Variants in MUC5AC observed in about 807,000 individuals in gnomAD.
MUC5AC encodes mucin-5AC.
Under a neutral mutation model 169.7 loss-of-function variants are expected in MUC5AC, and 158 were observed. The ratio of observed to expected loss-of-function variants is 0.93; its 90% CI spans 0.82 to 1.06. MUC5AC has a LOEUF of 1.06. Among genes scored for constraint, MUC5AC ranks in the 50% least tolerant of loss-of-function variants. The pLI, the probability that MUC5AC is intolerant of heterozygous loss-of-function variation, is 0.00. For missense variants in MUC5AC, 4,359 were observed against 3,089.9 expected, an observed-to-expected ratio of 1.41 and a Z score of -9.74; for synonymous variants, 1,975 against 1,237.0, an observed-to-expected ratio of 1.60 and a Z score of -12.52.
In MUC5AC at chr11:1,173,621, TACTCATCCACTC is replaced by T. The variant is rs1339019111; in HGVS notation, c.1966-859_1966-848del. On this transcript the variant is annotated intron_variant, in intron 16 of 48. Coordinates refer to ENST00000621226, the MANE Select transcript of MUC5AC (RefSeq NM_001304359.2). ...TCCACTCACTCACTCATCCACTCAT[TACTCATCCACTC>T]ACTCATCCACTCACTGATTCCCTCA... Among the ~76,000 whole-genome samples the T allele has an allele frequency of 1.2e-4, 18 of 144,484 alleles. No homozygotes were observed. In the South Asian group the frequency reaches 1.4e-3, roughly 11 times the overall value. 94.8% of individuals were successfully genotyped at this position (144,484 alleles called of 152,430 possible).
intron 47 of MUC5AC, 44 bp from the exon 48 acceptor site, chr11:1,199,811 C>G (rs1458250264): frequency 1.4e-6 from 1 of 735,894 alleles, no homozygotes; most frequent in East Asian, 2.5e-5. Context: ...CCTCAGAGGT[C>G]TAGGAGCAGC....
rs1554928357 is a variant in MUC5AC, at chr11:1,187,819, G to A, written c.9674G>A (p.Arg3225Gln). The change falls in exon 31 of 49, where the codon CGG becomes CAG. Residue 3225 changes from arginine to glutamine, a missense_variant. Transcript: ENST00000621226. ...SQPVTRDCHL[R>Q]CTWTKWFDID... ...CCAGTCACCAGAGACTGTCATCTCC[G>A]GTGCACCTGGACCAAGTGGTTTGAC... is the stretch of plus-strand genomic sequence containing the variant. 6.5e-5 allele frequency: 50 copies of A among 764,922 alleles called. No homozygotes were observed. The highest frequency in any genetic ancestry group is 6.4e-4 in the African/African-American group (38 of 59,248). 47.4% of individuals were successfully genotyped at this position (764,922 alleles called of 1,614,324 possible). A position where few individuals can be genotyped will look rare whatever the true frequency, so the allele number is the denominator to read the frequency against.
rs373077819 is a variant in MUC5AC, at chr11:1,192,796, C to A, written c.14394C>A (p.Tyr4798Ter). ...DRLYPAGSTI[Y>*]RHRDLAGHCY... ...TTCCTCTTACAGGATCCACCATATA[C>A]CGCCACAGAGACCTCGCTGGCCATT... Residue 4798 changes from tyrosine to a stop codon, truncating the protein, a stop_gained, in exon 32 of 49, where the codon TAC (tyrosine) becomes TAA (stop). Coordinates refer to ENST00000621226, the MANE Select transcript of MUC5AC (RefSeq NM_001304359.2). LOFTEE classifies it high-confidence loss of function. The A allele has an allele frequency of 2.6e-6, 2 of 760,924 alleles. No individual in the cohort carries two copies. The highest frequency in any genetic ancestry group is 4.8e-6 in the Non-Finnish European group (2 of 414,536). 47.1% of individuals were successfully genotyped at this position (760,924 alleles called of 1,614,324 possible).
chr11:1,174,069 C>A (rs967937785), intron 16 of MUC5AC, among the ~76,000 whole-genome samples: 1 of 152,238 alleles, frequency 6.6e-6, no homozygotes, highest in Non-Finnish European at 1.5e-5. Flanking sequence ...TCATTCGTTC[C>A]TTCACTCATT....
intron 31 of MUC5AC, 77 bp downstream of exon 31, chr11:1,192,602 T>G: frequency 1.4e-6 from 1 of 730,226 alleles, no homozygotes; most frequent in South Asian, 1.5e-5. Context: ...CAAGCTGTGA[T>G]GATGATAGGA....
chr11:1,194,745 C>A (rs554552383), intron 35 of MUC5AC, 75 bp downstream of exon 35: 5 of 669,780 alleles, frequency 7.5e-6, no homozygotes, highest in Non-Finnish European at 1.1e-5. Flanking sequence ...GAGGCCACCA[C>A]GTGCCGCGTG....
rs1554928338 is a variant in MUC5AC, at chr11:1,187,715, C to T, written c.9570C>T (p.Pro3190=). Residue 3190 remains proline (P), a synonymous_variant, in exon 31 of 49, where the codon CCC becomes CCT. Coordinates refer to ENST00000621226, the MANE Select transcript of MUC5AC (RefSeq NM_001304359.2). ...TTPGPGTTPS[P]VPTTSTASVS... is the part of the protein sequence containing the mutation. Reference sequence around the variant, plus strand: ...CTGGTCCTGGAACCACTCCCAGCCCCGTTCCCACCACCAGCACAGCCTCTG... The same window carrying T: ...CTGGTCCTGGAACCACTCCCAGCCCTGTTCCCACCACCAGCACAGCCTCTG... The T allele has an allele frequency of 8.0e-5, 61 of 763,448 alleles. No homozygotes were observed. The highest frequency in any genetic ancestry group is 2.2e-4 in the Middle Eastern group (1 of 4,450). The allele number at this position is 763,448 out of a possible 1,614,324, so 47.3% of individuals were successfully genotyped here.
chr11:1,166,594 G>C (rs1289581347), intron 11 of MUC5AC, among the ~76,000 whole-genome samples: 22 of 10,512 alleles, frequency 2.1e-3, no homozygotes, highest in Admixed American at 5.2e-3. Context: ...CACAGTCTCT[G>C]CACGATGAGA....
Position 1,188,221 on chromosome 11 carries a change from C to A in MUC5AC, c.10076C>A (p.Thr3359Asn). The A allele has an allele frequency of 1.5e-6, 1 of 687,446 alleles. No individual in the cohort carries two copies. The highest frequency in any genetic ancestry group is 2.6e-6 in the Non-Finnish European group (1 of 378,090). The allele number at this position is 687,446 out of a possible 1,614,324, so 42.6% of individuals were successfully genotyped here. A position where few individuals can be genotyped will look rare whatever the true frequency, so the allele number is the denominator to read the frequency against. Residue 3359 changes from threonine to asparagine, a missense_variant, in exon 31 of 49, where the codon ACC becomes AAC. Transcript: ENST00000621226. ...STSSWQKSRTTTLVTTSTTST... is the reference protein window; with the variant it reads ...STSSWQKSRTNTLVTTSTTST... ...TCCTCTTGGCAGAAATCCAGGACAACCACTTTGGTGACAACCAGCACAACC... is the reference window on the plus strand; with the variant it reads ...TCCTCTTGGCAGAAATCCAGGACAAACACTTTGGTGACAACCAGCACAACC...
At position 1,176,135 on chromosome 11, in the gene MUC5AC, GC is replaced by G. The variant is rs1424647347; in HGVS notation, c.2402-12del. 2 of 398,540 alleles carry G rather than the reference GC, an allele frequency of 5.0e-6. No individual in the cohort carries two copies. Among genetic ancestry groups the G allele is most frequent in the Non-Finnish European group, 8.8e-6 (2 of 226,104 alleles). The allele number at this position is 398,540 out of a possible 1,614,324, so 24.7% of individuals were successfully genotyped here. A position where few individuals can be genotyped will look rare whatever the true frequency, so the allele number is the denominator to read the frequency against. On this transcript the variant is annotated splice_polypyrimidine_tract_variant and intron_variant, in intron 19 of 48. Coordinates refer to ENST00000621226, the MANE Select transcript of MUC5AC (RefSeq NM_001304359.2). ...GCAGCCTGTGGCTGGCCCCCTGACG[GC>G]CCCTCCCTCCCCAGTGTGTGCTGCG... is the stretch of plus-strand genomic sequence containing the variant.
Position 1,196,875 on chromosome 11 carries a change from A to G in MUC5AC, c.15830-2A>G, listed in dbSNP as rs767029318. The G allele has an allele frequency of 5.2e-6, 4 of 763,040 alleles. No homozygotes were observed. Among genetic ancestry groups the G allele is most frequent in the Admixed American group, 3.4e-5 (2 of 58,808 alleles). The allele number at this position is 763,040 out of a possible 1,614,324, so 47.3% of individuals were successfully genotyped here. ...AGTAACCTCAGATCTCTCTCCTTCC[A>G]GGGTGTCTGGGGCCCCACGGAGAGC... On this transcript the variant is annotated splice_acceptor_variant, in intron 39 of 48. Coordinates refer to ENST00000621226, the MANE Select transcript of MUC5AC (RefSeq NM_001304359.2). LOFTEE classifies it high-confidence loss of function.
At chr11:1,195,383 G>A in intron 36 of MUC5AC, 104 bp downstream of exon 36, 1 of 654,780 alleles carries the variant, frequency 1.5e-6, no homozygotes, top group Admixed American at 1.9e-5. Context: ...GCTCCTGAGA[G>A]GAAACGAGAG....
In MUC5AC at chr11:1,189,187, C is replaced by T. The variant is rs1225088715; in HGVS notation, c.11042C>T (p.Thr3681Ile). The T allele has an allele frequency of 2.0e-5, 12 of 598,108 alleles. No individual in the cohort carries two copies. The highest frequency in any genetic ancestry group is 5.8e-5 in the Admixed American group (2 of 34,536). The allele number at this position is 598,108 out of a possible 1,614,324, so 37.1% of individuals were successfully genotyped here. A position where few individuals can be genotyped will look rare whatever the true frequency, so the allele number is the denominator to read the frequency against. Residue 3681 changes from threonine (T) to isoleucine (I), a missense_variant, in exon 31 of 49, where the codon ACC (threonine) becomes ATC (isoleucine). Thr to Ile is a moderately conservative substitution (Grantham distance 89, BLOSUM62 -1). Coordinates refer to ENST00000621226, the MANE Select transcript of MUC5AC (RefSeq NM_001304359.2). ...STTSAPTTST[T>I]PASIPSTTSA... is the part of the protein sequence containing the mutation. ...ACCTCTGCCCCTACAACTAGCACAA[C>T]CCCTGCTTCTATACCCAGCACAACC... is the stretch of plus-strand genomic sequence containing the variant.
intron 2 of MUC5AC, 54 bp from the exon 3 acceptor site, chr11:1,161,473 G>A: frequency 7.0e-7 from 1 of 1,437,242 alleles, no homozygotes; most frequent in Non-Finnish European, 9.3e-7. Context: ...TGGCTGCGGA[G>A]CCCCCGCCCC....
At position 1,165,804 on chromosome 11, in the gene MUC5AC, C is replaced by T. The variant is rs760497171; in HGVS notation, c.1386+44C>T. The T allele has an allele frequency of 8.1e-6, 13 of 1,606,370 alleles. No homozygotes were observed. In the Admixed American group the frequency reaches 2.2e-4, roughly 27 times the overall value. Reference sequence around the variant, plus strand: ...GGGTGCTCGCCGGACAGAGGGGGCCCATGGCCAGCCTCCCACAGGCTCCCC... The same window carrying T: ...GGGTGCTCGCCGGACAGAGGGGGCCTATGGCCAGCCTCCCACAGGCTCCCC... On this transcript the variant is annotated intron_variant, in intron 11 of 48. Coordinates refer to ENST00000621226, the MANE Select transcript of MUC5AC (RefSeq NM_001304359.2).
chr11:1,162,690 G>A lies in MUC5AC; in HGVS notation c.588+44G>A, dbSNP rs192491115. On this transcript the variant is annotated intron_variant, in intron 5 of 48. Coordinates refer to ENST00000621226, the MANE Select transcript of MUC5AC (RefSeq NM_001304359.2). ...GTCCCGGTGTGCAACTCCAGCCCTC[G>A]AGGGCCGGCCTGCTCCCACAGCCTC... 4.0e-4 allele frequency: 629 copies of A among 1,568,264 alleles called. 1 individual carries two copies. In the African/African-American group the frequency reaches 4.4e-3, roughly 11 times the overall value.
Position 1,188,365 on chromosome 11 carries a change from C to T in MUC5AC, c.10220C>T (p.Ser3407Phe). The T allele has an allele frequency of 1.6e-6, 1 of 639,958 alleles. No homozygotes were observed. 39.6% of individuals were successfully genotyped at this position (639,958 alleles called of 1,614,324 possible). Residue 3407 changes from serine to phenylalanine, a missense_variant, in exon 31 of 49, where the codon TCC (serine) becomes TTC (phenylalanine). Ser to Phe is a radical substitution (Grantham distance 155). Coordinates refer to ENST00000621226, the MANE Select transcript of MUC5AC (RefSeq NM_001304359.2). ...ACCTCCACTCCACAGACCAGCATAT[C>T]CTCTGCCCCTACAAGCAGCACAACC... ...STTSTPQTSI[S>F]SAPTSSTTSA...
Position 1,168,754 on chromosome 11 carries a change from G to A in MUC5AC, c.1680G>A (p.Ala560=), listed in dbSNP as rs758333675. The part of the protein sequence containing the change: ...VPTMQLFMQL[A]PKLRGQTCGL... ...CCATGCAGCTGTTCATGCAGCTGGC[G>A]CCCAAGCTCCGTGGGCAGACCTGCG... The change falls in exon 14 of 49, where the codon GCG becomes GCA. Residue 560 remains alanine, a synonymous_variant. Transcript: ENST00000621226. The A allele has an allele frequency of 4.6e-5, 74 of 1,606,022 alleles. No homozygotes were observed. Among genetic ancestry groups the A allele is most frequent in the South Asian group, 1.5e-4 (14 of 90,868 alleles).
chr11:1,199,116 G>A lies in MUC5AC; in HGVS notation c.16326G>A (p.Gln5442=). The A allele has an allele frequency of 1.3e-6, 1 of 764,826 alleles. No homozygotes were observed. The highest frequency in any genetic ancestry group is 1.3e-5 in the South Asian group (1 of 74,552). 47.4% of individuals were successfully genotyped at this position (764,826 alleles called of 1,614,324 possible). A position where few individuals can be genotyped will look rare whatever the true frequency, so the allele number is the denominator to read the frequency against. Residue 5442 remains glutamine, a synonymous_variant, in exon 45 of 49, where the codon CAG becomes CAA. Coordinates refer to ENST00000621226, the MANE Select transcript of MUC5AC (RefSeq NM_001304359.2). ...TCGAGTACCAGGAGCAGAGCGGGCA[G>A]TGCTGTGGCACCTGTGTGCAGGTCG... The part of the protein sequence containing the change: ...VGFEYQEQSG[Q]CCGTCVQVAC...
Sources: allele counts gnomAD v4.1 joint callset (sites outside exome capture counted in the v4.1 genomes callset), GRCh38; gene constraint gnomAD v4.1.1; transcripts MANE v1.5; gene names NCBI Gene and HGNC (gene_info 2026-07-23, HGNC 2026-07-21).